Variants in A4GALT observed in about 807,000 individuals in gnomAD.
A4GALT encodes alpha 1,4-galactosyltransferase (P1PK blood group).
For missense variants in A4GALT, 512 were observed against 486.0 expected (o/e 1.05, Z -0.50); for synonymous variants, 257 against 220.7 (o/e 1.16, Z -1.46).
intron 1 of A4GALT, among the ~76,000 whole-genome samples, chr22:42,704,851 G>A (rs976921525): frequency 1.2e-4 from 16 of 138,264 alleles, no homozygotes; most frequent in Non-Finnish European, 2.0e-4. Context: ...AAGCACCTGC[G>A]GGCAGCAGAC....
intron 1 of A4GALT, among the ~76,000 whole-genome samples, chr22:42,712,200 GA>G (rs1008164246): frequency 4.6e-5 from 7 of 152,176 alleles, no homozygotes; most frequent in African/African-American, 1.7e-4. Flanking sequence ...CTCCCCACAG[GA>G]AGCTGGATCT....
Position 42,702,927 on chromosome 22 carries a change from C to T in A4GALT, c.-187-7296G>A, listed in dbSNP as rs1346634593. On this transcript the variant is annotated intron_variant, in intron 1 of 2. Coordinates refer to ENST00000642412, the MANE Select transcript of A4GALT (RefSeq NM_017436.7). The stretch of plus-strand genomic sequence containing the variant: ...ACTCCAGCCAATCCCGGTCCCTGCT[C>T]CCCTGTTTAACTTTCAGAAAAGTAA... Among the ~76,000 whole-genome samples, 2 of 117,954 alleles carry T rather than the reference C, an allele frequency of 1.7e-5. 1 individual carries two copies. The highest frequency in any genetic ancestry group is 3.3e-5 in the Non-Finnish European group (2 of 61,014). 77.4% of individuals were successfully genotyped at this position (117,954 alleles called of 152,430 possible).
intron 1 of A4GALT, among the ~76,000 whole-genome samples, chr22:42,714,359 G>A (rs992338537): frequency 8.0e-5 from 12 of 149,490 alleles, no homozygotes; most frequent in Non-Finnish European, 1.6e-4. Flanking sequence ...AGGCCAAGGC[G>A]GGAGCATCAC....
chr22:42,714,951 GAGTA>G (rs769387300), intron 1 of A4GALT, among the ~76,000 whole-genome samples: 2 of 151,726 alleles, frequency 1.3e-5, no homozygotes, highest in Admixed American at 6.6e-5. Context: ...TGGGGCCCTG[GAGTA>G]AGTGACTCAG....
At chr22:42,704,531 G>A (rs1920959792) in intron 1 of A4GALT, among the ~76,000 whole-genome samples, 1 of 151,446 alleles carries the variant, frequency 6.6e-6, no homozygotes, top group African/African-American at 2.4e-5. Context: ...AAAAAAGAAG[G>A]GCTGAAGGGC....
At chr22:42,715,964 G>C (rs1342310933) in intron 1 of A4GALT, among the ~76,000 whole-genome samples, 1 of 151,872 alleles carries the variant, frequency 6.6e-6, no homozygotes, top group Non-Finnish European at 1.5e-5. Context: ...TCCTGAGTAG[G>C]TGGGATTACA....
At chr22:42,700,649 G>C (rs976962554) in intron 1 of A4GALT, among the ~76,000 whole-genome samples, 2 of 152,198 alleles carry the variant, frequency 1.3e-5, no homozygotes, top group South Asian at 4.1e-4. Flanking sequence ...GGTCACACGG[G>C]TGCTCCCACT....
rs59690136 is a variant in A4GALT, at chr22:42,703,259, G to GTTT, written c.-187-7631_-187-7629dup. On this transcript the variant is annotated intron_variant, in intron 1 of 2. Coordinates refer to ENST00000642412, the MANE Select transcript of A4GALT (RefSeq NM_017436.7). The stretch of plus-strand genomic sequence containing the variant: ...TTTTTTTTGTTGTTTGTTTGTTTTT[G>GTTT]TTTTTTTTTTTTTTGAGACAGAGTC... Among the ~76,000 whole-genome samples the GTTT allele has an allele frequency of 2.3e-3, 300 of 131,716 alleles. 6 individuals are homozygous for GTTT. The highest frequency in any genetic ancestry group is 7.8e-3 in the Middle Eastern group (2 of 258). 86.4% of individuals were successfully genotyped at this position (131,716 alleles called of 152,430 possible).
intron 1 of A4GALT, among the ~76,000 whole-genome samples, chr22:42,712,450 G>A (rs1412753981): frequency 6.6e-6 from 1 of 152,194 alleles, no homozygotes; most frequent in African/African-American, 2.4e-5. Flanking sequence ...CAAATCGCAG[G>A]GAAAGCTCTT....
chr22:42,692,920 C>A lies in A4GALT; in HGVS notation c.1032G>T (p.Thr344=). The A allele has an allele frequency of 1.2e-6, 2 of 1,607,284 alleles. No individual in the cohort carries two copies. Among genetic ancestry groups the A allele is most frequent in the South Asian group, 1.1e-5 (1 of 91,042 alleles). ...AGTACATTTTCATGGCCTCGTGCGT[C>A]GTGGGGCAGTAGCGGGCATGCAGCT... ...LAQLHARYCP[T]THEAMKMYL Residue 344 remains threonine, a synonymous_variant, in exon 3 of 3, where the codon ACG becomes ACT. Coordinates refer to ENST00000642412, the MANE Select transcript of A4GALT (RefSeq NM_017436.7). The surrounding 1 kb of genome is among the most constrained non-coding windows in gnomAD (Gnocchi z 4.6).
chr22:42,695,807 G>A (rs910921926), intron 1 of A4GALT, among the ~76,000 whole-genome samples, 176 bp from the exon 2 acceptor site: 2 of 152,184 alleles, frequency 1.3e-5, no homozygotes, highest in African/African-American at 4.8e-5. Flanking sequence ...GTACCCAGGA[G>A]AAGGGGAGAA....
Position 42,692,479 on chromosome 22 carries a change from T to G in A4GALT, c.*411A>C. The G allele has an allele frequency of 2.8e-6, 1 of 359,398 alleles. No individual in the cohort carries two copies. Among genetic ancestry groups the G allele is most frequent in the Non-Finnish European group, 5.5e-6 (1 of 180,966 alleles). 22.3% of individuals were successfully genotyped at this position (359,398 alleles called of 1,614,324 possible). A position where few individuals can be genotyped will look rare whatever the true frequency, so the allele number is the denominator to read the frequency against. ...CTGGGTCTCCCCCAGCCCTGCCACT[T>G]TCCTACCAACAGCCTCCTCTCCTCT... On this transcript the variant is annotated 3_prime_UTR_variant, in exon 3 of 3. Transcript: ENST00000642412. The surrounding 1 kb of genome is among the most constrained non-coding windows in gnomAD (Gnocchi z 4.6).
At chr22:42,718,498 C>T (rs969227124) in intron 1 of A4GALT, 3 of 152,158 alleles carry the variant, frequency 2.0e-5, no homozygotes, top group Non-Finnish European at 4.4e-5. Context: ...CTCCTGACTT[C>T]AAGTGATCCA....
chr22:42,703,585 G>A (rs1920943971), intron 1 of A4GALT, among the ~76,000 whole-genome samples: 1 of 152,086 alleles, frequency 6.6e-6, no homozygotes, highest in Admixed American at 6.6e-5. Flanking sequence ...AACTCTGAAA[G>A]TGCAGAACTA....
chr22:42,700,355 CT>C (rs1342455056), intron 1 of A4GALT, among the ~76,000 whole-genome samples: 1 of 152,206 alleles, frequency 6.6e-6, no homozygotes, highest in East Asian at 1.9e-4. Flanking sequence ...TTCTCATGTT[CT>C]TGGGGTCTCA....
chr22:42,702,713 G>T (rs1246633195), intron 1 of A4GALT, among the ~76,000 whole-genome samples: 1 of 145,168 alleles, frequency 6.9e-6, no homozygotes, highest in Non-Finnish European at 1.5e-5. Flanking sequence ...CTGGAACTGG[G>T]TGGTTTTGGG....
intron 1 of A4GALT, among the ~76,000 whole-genome samples, chr22:42,719,461 A>T (rs147303580): frequency 1.1e-4 from 16 of 152,236 alleles, no homozygotes; most frequent in African/African-American, 3.9e-4. Context: ...AAAAACAAAC[A>T]AACAGAAAAC....
chr22:42,704,826 G>C (rs532509083), intron 1 of A4GALT, among the ~76,000 whole-genome samples: 44 of 138,686 alleles, frequency 3.2e-4, no homozygotes, highest in African/African-American at 1.1e-3. Flanking sequence ...CCCAACCACA[G>C]TTGAGTGTGG....
intron 2 of A4GALT, chr22:42,695,213 A>C: frequency 7.1e-6 from 1 of 141,164 alleles, no homozygotes; most frequent in South Asian, 2.2e-4. Flanking sequence ...TCCATGACAA[A>C]GTCACACCCC....
Sources: gnomAD v4.1 joint callset for allele counts (sites outside exome capture counted in the v4.1 genomes callset) on GRCh38, gnomAD v4.1.1 for gene constraint, Gnocchi (gnomAD v3.1) non-coding constraint, MANE v1.5 for transcripts, NCBI Gene and HGNC (gene_info 2026-07-23, HGNC 2026-07-21) for gene names.